The following SLCO3A1 variants were observed in gnomAD, a reference collection of about 807,000 sequenced individuals.
SLCO3A1 encodes solute carrier organic anion transporter family member 3A1.
A neutral mutation model predicts 63.1 loss-of-function variants in SLCO3A1; 27 were observed. The ratio of observed to expected loss-of-function variants is 0.43; its 90% CI spans 0.32 to 0.59. The LOEUF (loss-of-function observed/expected upper bound fraction) is 0.59. Ranked by LOEUF, SLCO3A1 falls within the 20% of genes least tolerant of loss-of-function variation. SLCO3A1 has a pLI of 0.09. For synonymous variants in SLCO3A1, 473 were observed against 409.9 expected, an observed-to-expected ratio of 1.15 and a Z score of -1.86; for missense variants, 773 against 945.8, an observed-to-expected ratio of 0.82 and a Z score of 2.40.
chr15:91,866,718 G>A (rs1202556644), intron 1 of SLCO3A1, among the ~76,000 whole-genome samples: 2 of 152,092 alleles, frequency 1.3e-5, no homozygotes, highest in Admixed American at 1.3e-4. Context: ...TTATCGTGGG[G>A]GGGGAGATGA....
exon 11 of SLCO3A1, chr15:92,172,346 T>C (rs2048526307): frequency 6.5e-6 from 1 of 154,054 alleles, no homozygotes; most frequent in Non-Finnish European, 1.4e-5. Flanking sequence ...GCAGCGTTTA[T>C]TTTCCAAATG....
At chr15:91,922,955 G>A (rs1052968857) in intron 2 of SLCO3A1, among the ~76,000 whole-genome samples, 4 of 152,014 alleles carry the variant, frequency 2.6e-5, no homozygotes, top group East Asian at 1.9e-4. Context: ...TCATTCATTC[G>A]CAGCCACTCA....
rs146536928 is a variant in SLCO3A1, at chr15:92,064,949, A to G, written c.647-29932A>G. On this transcript the variant is annotated intron_variant, in intron 2 of 9. Coordinates refer to ENST00000318445, the MANE Select transcript of SLCO3A1 (RefSeq NM_013272.4). ...GAGAAGAAATACATTTCAGTGTTCA[A>G]TAGCACAGCAAGGTGACTGTAGTTA... Among the ~76,000 whole-genome samples the G allele has an allele frequency of 9.9e-3, 1,511 of 152,338 alleles. 18 individuals carry two copies. The highest frequency in any genetic ancestry group is 0.014 in the Non-Finnish European group (927 of 68,028).
At chr15:92,012,705 T>G (rs1260621889) in intron 2 of SLCO3A1, among the ~76,000 whole-genome samples, 3 of 140,448 alleles carry the variant, frequency 2.1e-5, no homozygotes, top group African/African-American at 5.5e-5. Flanking sequence ...GAGTTCAAGG[T>G]CAGCCTGGGC....
chr15:91,888,859 A>G (rs1317193727), intron 1 of SLCO3A1, among the ~76,000 whole-genome samples: 2 of 151,984 alleles, frequency 1.3e-5, no homozygotes, highest in Non-Finnish European at 2.9e-5. Flanking sequence ...AACAACACCA[A>G]TTAGCTGGGC....
chr15:92,008,421 C>T (rs2046335583), intron 2 of SLCO3A1, among the ~76,000 whole-genome samples: 1 of 152,166 alleles, frequency 6.6e-6, no homozygotes, highest in Admixed American at 6.5e-5. Flanking sequence ...AACACTTGTT[C>T]CATGTGGGTT....
intron 2 of SLCO3A1, among the ~76,000 whole-genome samples, chr15:92,021,391 C>T (rs536123588): frequency 6.6e-6 from 1 of 152,316 alleles, no homozygotes; most frequent in African/African-American, 2.4e-5. Flanking sequence ...GGGCAAGAGA[C>T]TGTTTCAGAG....
chr15:92,161,509 G>C (rs1452431097), intron 9 of SLCO3A1: 1 of 152,230 alleles, frequency 6.6e-6, no homozygotes, highest in African/African-American at 2.4e-5. Flanking sequence ...TGTAGGTACC[G>C]GAAATGCTCT....
intron 2 of SLCO3A1, among the ~76,000 whole-genome samples, chr15:92,039,527 T>G (rs998020265): frequency 1.3e-5 from 2 of 152,208 alleles, no homozygotes; most frequent in African/African-American, 4.8e-5. Flanking sequence ...AGATAGTGTT[T>G]TGTGCCAGTC....
At position 92,165,812 on chromosome 15, in the gene SLCO3A1, T is replaced by G. The variant is rs2048489565; in HGVS notation, c.*2677T>G. The G allele has an allele frequency of 1.0e-6, 1 of 985,236 alleles. No individual in the cohort carries two copies. Among genetic ancestry groups the G allele is most frequent in the South Asian group, 4.7e-5 (1 of 21,284 alleles). The allele number at this position is 985,236 out of a possible 1,614,324, so 61.0% of individuals were successfully genotyped here. ...TAGATCCAGCCCCTCGATTATCTGT[T>G]TGGTTTCAAGTGAATGAAAAGATTT... is the stretch of plus-strand genomic sequence containing the variant. On this transcript the variant is annotated 3_prime_UTR_variant, in exon 10 of 10. Transcript: ENST00000318445.
intron 2 of SLCO3A1, among the ~76,000 whole-genome samples, chr15:91,927,860 G>A (rs1899086069): frequency 6.6e-6 from 1 of 152,220 alleles, no homozygotes; most frequent in Non-Finnish European, 1.5e-5. Context: ...TATGGACACT[G>A]GAACCTTTTG....
chr15:92,163,645 G>A lies in SLCO3A1; in HGVS notation c.*510G>A, dbSNP rs1199322385. 3.0e-6 allele frequency: 3 copies of A among 985,068 alleles called. No individual in the cohort carries two copies. The highest frequency in any genetic ancestry group is 9.4e-5 in the South Asian group (2 of 21,284). The allele number at this position is 985,068 out of a possible 1,614,324, so 61.0% of individuals were successfully genotyped here. A position where few individuals can be genotyped will look rare whatever the true frequency, so the allele number is the denominator to read the frequency against. ...CACCCTCTTCCTCCAGGTGGGGGTGGGGGCGGGCGCACAAGTCGGAGGGGT... is the reference window on the plus strand; with the variant it reads ...CACCCTCTTCCTCCAGGTGGGGGTGAGGGCGGGCGCACAAGTCGGAGGGGT... On this transcript the variant is annotated 3_prime_UTR_variant, in exon 10 of 10. Transcript: ENST00000318445.
At chr15:92,014,263 C>T (rs1439303929) in intron 2 of SLCO3A1, among the ~76,000 whole-genome samples, 1 of 152,080 alleles carries the variant, frequency 6.6e-6, no homozygotes, top group East Asian at 1.9e-4. Flanking sequence ...GGCAGTGGAC[C>T]ACCTGCGGCT....
intron 2 of SLCO3A1, among the ~76,000 whole-genome samples, chr15:92,086,718 G>A (rs558841183): frequency 6.6e-6 from 1 of 152,094 alleles, no homozygotes; most frequent in Non-Finnish European, 1.5e-5. Context: ...GCTCATGCCT[G>A]TAATCCTAGC....
rs2046961091 is a variant in SLCO3A1, at chr15:92,051,799, T to C, written c.647-43082T>C. Among the ~76,000 whole-genome samples the C allele has an allele frequency of 1.3e-5, 2 of 152,168 alleles. 1 individual carries two copies. The highest frequency in any genetic ancestry group is 4.1e-4 in the South Asian group (2 of 4,824). On this transcript the variant is annotated intron_variant, in intron 2 of 9. Coordinates refer to ENST00000318445, the MANE Select transcript of SLCO3A1 (RefSeq NM_013272.4). ...AGAAGACACTTACATTTTCCATTGATGGCCTCCTCCCTCTCCTTTTAGTTC... is the reference window on the plus strand; with the variant it reads ...AGAAGACACTTACATTTTCCATTGACGGCCTCCTCCCTCTCCTTTTAGTTC...
rs1899874985 is a variant in SLCO3A1 at position 91,948,179 on chromosome 15, G to A, written c.646+31721G>A. ...CCTGGCCCTTTGTTACCTGCCCTTT[G>A]TTTCAGTGCCATGCGGCTAATGAAT... On this transcript the variant is annotated intron_variant, in intron 2 of 9. Coordinates refer to ENST00000318445, the MANE Select transcript of SLCO3A1 (RefSeq NM_013272.4). The surrounding 1 kb of genome is among the most constrained non-coding windows in gnomAD (Gnocchi z 4.8). 6.6e-6 allele frequency among the ~76,000 whole-genome samples: 1 copy of A among 152,182 alleles called. No homozygotes were observed. The highest frequency in any genetic ancestry group is 6.5e-5 in the Admixed American group (1 of 15,282).
intron 2 of SLCO3A1, among the ~76,000 whole-genome samples, chr15:92,023,028 C>T (rs952052867): frequency 1.3e-5 from 2 of 152,166 alleles, no homozygotes; most frequent in African/African-American, 2.4e-5. Flanking sequence ...CCAGCAAAAC[C>T]GTTCACTTTA....
In SLCO3A1 at chr15:91,854,103, C is replaced by T; in HGVS notation, c.180+15C>T. On this transcript the variant is annotated intron_variant, in intron 1 of 9. Transcript: ENST00000318445. The surrounding 1 kb of genome is among the most constrained non-coding windows in gnomAD (Gnocchi z 6.4). ...GCGCCTACCTGGTGAGTCCCCGAGC[C>T]AACTCCGCCGCGGGCCCCTTCCCCA... is the stretch of plus-strand genomic sequence containing the variant. 1 of 1,479,368 alleles carries T rather than the reference C, an allele frequency of 6.8e-7. No homozygotes were observed. The highest frequency in any genetic ancestry group is 9.0e-7 in the Non-Finnish European group (1 of 1,108,362). The allele number at this position is 1,479,368 out of a possible 1,614,324, so 91.6% of individuals were successfully genotyped here.
intron 2 of SLCO3A1, among the ~76,000 whole-genome samples, chr15:92,074,493 G>A (rs2047252964): frequency 1.3e-5 from 2 of 152,194 alleles, no homozygotes; most frequent in Admixed American, 1.3e-4. Context: ...TGGGCCTTAA[G>A]GACCTCACCA....
Sources: gnomAD v4.1 joint callset for allele counts (sites outside exome capture counted in the v4.1 genomes callset) on GRCh38, gnomAD v4.1.1 for gene constraint, Gnocchi (gnomAD v3.1) non-coding constraint, MANE v1.5 for transcripts, NCBI Gene and HGNC (gene_info 2026-07-23, HGNC 2026-07-21) for gene names.